GRID2: variants seen among roughly 807,000 people sequenced by gnomAD.
The protein encoded by GRID2 is glutamate receptor ionotropic, delta-2.
Under a neutral mutation model 114.8 loss-of-function variants are expected in GRID2, and 33 were observed. The ratio of observed to expected loss-of-function variants is 0.29; its 90% CI spans 0.22 to 0.38. The LOEUF is 0.38. GRID2 is among the 10% of genes least tolerant of loss of function. The probability of loss-of-function intolerance (pLI) is 1.00; values close to 1 mark genes in which losing one functional copy is unlikely to be tolerated. For synonymous variants in GRID2, 505 were observed against 449.9 expected (o/e 1.12, Z -1.55); for missense variants, 1,184 against 1,257.7 (o/e 0.94, Z 0.89).
intron 1 of GRID2, among the ~76,000 whole-genome samples, chr4:92,467,594 C>T (rs1288829964): frequency 6.6e-6 from 1 of 151,902 alleles, no homozygotes; most frequent in Non-Finnish European, 1.5e-5. Context: ...TTAGATGAAG[C>T]ATGAGTGGGC....
chr4:93,573,668 C>T (rs1427256861), intron 13 of GRID2, among the ~76,000 whole-genome samples: 1 of 152,114 alleles, frequency 6.6e-6, no homozygotes, highest in African/African-American at 2.4e-5. Context: ...TCCCCCTTTA[C>T]ATAATTTTTA....
chr4:92,898,588 A>C (rs563408404), intron 2 of GRID2, among the ~76,000 whole-genome samples: 1 of 152,154 alleles, frequency 6.6e-6, no homozygotes, highest in Non-Finnish European at 1.5e-5. Context: ...AGGGTCTTTT[A>C]ATTGGATGAT....
intron 1 of GRID2, among the ~76,000 whole-genome samples, chr4:92,450,840 A>G (rs1720885094): frequency 6.7e-6 from 1 of 148,190 alleles, no homozygotes; most frequent in Admixed American, 6.7e-5. Context: ...TTAAATATTT[A>G]TTTTAATAAA....
chr4:92,599,161 A>C (rs1729087324), intron 2 of GRID2, among the ~76,000 whole-genome samples: 1 of 151,368 alleles, frequency 6.6e-6, no homozygotes, highest in Non-Finnish European at 1.5e-5. Context: ...ATGTTGCAAC[A>C]TGTGTACTTA....
intron 2 of GRID2, among the ~76,000 whole-genome samples, chr4:92,962,421 C>T (rs1384412785): frequency 1.3e-5 from 2 of 151,734 alleles, no homozygotes; most frequent in South Asian, 2.1e-4. Context: ...CCCTCCCACC[C>T]TCTTTTACCT....
intron 2 of GRID2, among the ~76,000 whole-genome samples, chr4:92,941,759 G>C (rs897365320): frequency 3.9e-5 from 6 of 152,056 alleles, no homozygotes; most frequent in African/African-American, 1.4e-4. Flanking sequence ...AGAGATTCTC[G>C]TATGTTGTGT....
At chr4:93,005,144 T>C (rs543380370) in intron 2 of GRID2, among the ~76,000 whole-genome samples, 2 of 152,212 alleles carry the variant, frequency 1.3e-5, no homozygotes, top group African/African-American at 4.8e-5. Context: ...ATAGACAGAA[T>C]AGACAGTTTC....
At chr4:93,137,966 G>GTGT (rs1553994590) in intron 4 of GRID2, among the ~76,000 whole-genome samples, 3 of 78,380 alleles carry the variant, frequency 3.8e-5, no homozygotes, top group Admixed American at 2.1e-4. Context: ...TTTTTTCTTC[G>GTGT]TTTTTTTTTT....
At chr4:92,479,878 T>G (rs946789914) in intron 1 of GRID2, among the ~76,000 whole-genome samples, 1 of 152,132 alleles carries the variant, frequency 6.6e-6, no homozygotes, top group African/African-American at 2.4e-5. Flanking sequence ...GGAGACATAA[T>G]GTTGGAGTGA....
intron 10 of GRID2, among the ~76,000 whole-genome samples, chr4:93,430,998 ATC>A (rs1769357583): frequency 6.6e-6 from 1 of 152,212 alleles, no homozygotes; most frequent in Non-Finnish European, 1.5e-5. Flanking sequence ...ATGAGAATCT[ATC>A]CTACCATACT....
chr4:93,105,097 A>G (rs1053241478), intron 3 of GRID2, among the ~76,000 whole-genome samples: 6 of 152,108 alleles, frequency 3.9e-5, no homozygotes, highest in African/African-American at 1.2e-4. Flanking sequence ...TTGGCTGCAT[A>G]AATGTCTTCT....
At chr4:93,473,941 A>G (rs1725077336) in intron 11 of GRID2, among the ~76,000 whole-genome samples, 1 of 152,114 alleles carries the variant, frequency 6.6e-6, no homozygotes, top group South Asian at 2.1e-4. Context: ...AGTAGGGTGA[A>G]TGAATGCCTT....
chr4:93,780,551 C>T (rs1016491013), intron 1 of GRID2, among the ~76,000 whole-genome samples: 3 of 152,202 alleles, frequency 2.0e-5, no homozygotes, highest in Non-Finnish European at 4.4e-5. Flanking sequence ...AGGTTGATCA[C>T]AAAGTCAGAT....
chr4:92,456,337 T>A (rs779204160), intron 1 of GRID2, among the ~76,000 whole-genome samples: 9 of 152,034 alleles, frequency 5.9e-5, no homozygotes, highest in Non-Finnish European at 1.0e-4. Flanking sequence ...GAAAATGCAC[T>A]CCCATGAGAA....
intron 11 of GRID2, among the ~76,000 whole-genome samples, chr4:93,466,117 A>T (rs528526101): frequency 1.3e-5 from 2 of 152,336 alleles, no homozygotes; most frequent in Non-Finnish European, 1.5e-5. Context: ...CGAGATCTGC[A>T]ACTAAAATAG....
At chr4:92,649,611 A>C (rs2149260678) in intron 2 of GRID2, among the ~76,000 whole-genome samples, 1 of 152,066 alleles carries the variant, frequency 6.6e-6, no homozygotes, top group Non-Finnish European at 1.5e-5. Flanking sequence ...ATGTAAAATT[A>C]ACCATCACAA....
At chr4:93,125,808 G>C (rs1734213319) in intron 4 of GRID2, among the ~76,000 whole-genome samples, 3 of 152,114 alleles carry the variant, frequency 2.0e-5, no homozygotes, top group Non-Finnish European at 4.4e-5. Context: ...GAACTGACCA[G>C]AATTCTTAAG....
chr4:93,056,960 G>T (rs1578865971), intron 2 of GRID2, among the ~76,000 whole-genome samples: 1 of 151,876 alleles, frequency 6.6e-6, no homozygotes, highest in Non-Finnish European at 1.5e-5. Flanking sequence ...ATTGTTCTGA[G>T]TTTAATATTC....
intron 2 of GRID2, among the ~76,000 whole-genome samples, chr4:92,907,275 TTG>T (rs1418474317): frequency 6.6e-6 from 1 of 152,162 alleles, no homozygotes; most frequent in Non-Finnish European, 1.5e-5. Context: ...TGCATATTCA[TTG>T]TCTCATCTGT....
Sources: gnomAD v4.1 joint callset for allele counts (sites outside exome capture counted in the v4.1 genomes callset) on GRCh38, gnomAD v4.1.1 for gene constraint, MANE v1.5 for transcripts, NCBI Gene and HGNC (gene_info 2026-07-23, HGNC 2026-07-21) for gene names.